ADAMTS3: variants seen among roughly 807,000 people sequenced by gnomAD.
ADAMTS3 encodes A disintegrin and metalloproteinase with thrombospondin motifs 3.
ADAMTS3 carries 73 observed loss-of-function variants against 129.0 expected under a neutral mutation model. That is an observed-to-expected ratio of 0.57 (90% confidence interval 0.47 to 0.69). The LOEUF is 0.69. Ranked by LOEUF, ADAMTS3 falls within the 30% of genes least tolerant of loss-of-function variation. The probability of loss-of-function intolerance (pLI) is 0.00; values close to 1 mark genes in which losing one functional copy is unlikely to be tolerated. For synonymous variants in ADAMTS3, 477 were observed against 510.8 expected (o/e 0.93, Z 0.89); for missense variants, 1,457 against 1,514.5 (o/e 0.96, Z 0.63).
chr4:72,438,133 G>A (rs372421627), intron 3 of ADAMTS3, among the ~76,000 whole-genome samples: 17 of 151,752 alleles, frequency 1.1e-4, no homozygotes, highest in African/African-American at 3.4e-4. Flanking sequence ...AAAGCAACCC[G>A]ACTATATCCA....
intron 3 of ADAMTS3, among the ~76,000 whole-genome samples, chr4:72,453,133 T>C (rs1718453130): frequency 6.6e-6 from 1 of 151,816 alleles, no homozygotes. Flanking sequence ...TGCTTTATTA[T>C]ATTATATATT....
chr4:72,526,038 A>G (rs1720797833), intron 3 of ADAMTS3, among the ~76,000 whole-genome samples: 1 of 152,196 alleles, frequency 6.6e-6, no homozygotes, highest in East Asian at 1.9e-4. Context: ...CTAGCCCTTC[A>G]AGGGCTTTAC....
chr4:72,436,049 C>T (rs1449563033), intron 3 of ADAMTS3, among the ~76,000 whole-genome samples: 1 of 151,960 alleles, frequency 6.6e-6, no homozygotes, highest in Non-Finnish European at 1.5e-5. Flanking sequence ...AAGAAACTAC[C>T]ATCAGAGTGA....
intron 13 of ADAMTS3, among the ~76,000 whole-genome samples, chr4:72,311,939 A>ATT (rs1422639477): frequency 2.0e-5 from 3 of 152,066 alleles, no homozygotes; most frequent in African/African-American, 7.2e-5. Context: ...AAAGAACTAT[A>ATT]TTTTTCTCTA....
chr4:72,322,994 C>T lies in ADAMTS3; in HGVS notation c.945+20G>A, dbSNP rs759770351. 6.3e-7 allele frequency: 1 copy of T among 1,589,338 alleles called. No individual in the cohort carries two copies. The highest frequency in any genetic ancestry group is 1.7e-5 in the Admixed American group (1 of 59,890). The stretch of plus-strand genomic sequence containing the variant: ...AACCCAGTCCCTAATGTTTATAATT[C>T]ATGTTTTAAGACATTTTACCTTTGC... On this transcript the variant is annotated intron_variant, in intron 6 of 21. Coordinates refer to ENST00000286657, the MANE Select transcript of ADAMTS3 (RefSeq NM_014243.3).
At chr4:72,318,814 C>T (rs965987001) in intron 9 of ADAMTS3, 110 bp from the exon 10 acceptor site, 2 of 1,161,310 alleles carry the variant, frequency 1.7e-6, no homozygotes, top group Non-Finnish European at 2.4e-6. Context: ...CATCCCAGAT[C>T]ATACAGCAAA....
intron 3 of ADAMTS3, among the ~76,000 whole-genome samples, chr4:72,450,328 C>A (rs1157862194): frequency 6.6e-6 from 1 of 151,658 alleles, no homozygotes; most frequent in Non-Finnish European, 1.5e-5. Context: ...GCTCCAGGAG[C>A]CACATGGCCA....
intron 3 of ADAMTS3, among the ~76,000 whole-genome samples, chr4:72,489,660 A>T (rs1173552149): frequency 1.3e-5 from 2 of 151,970 alleles, no homozygotes; most frequent in African/African-American, 4.8e-5. Context: ...ACTTCATTTC[A>T]TCACATAGGC....
At chr4:72,514,983 C>T (rs1234924903) in intron 3 of ADAMTS3, among the ~76,000 whole-genome samples, 1 of 152,074 alleles carries the variant, frequency 6.6e-6, no homozygotes, top group Non-Finnish European at 1.5e-5. Flanking sequence ...TATCCCTCCC[C>T]GCTACCCCCA....
Position 72,390,987 on chromosome 4 carries a change from A to C in ADAMTS3, c.661+23828T>G, listed in dbSNP as rs149473452. ...GATTATGAGCTTACTATGAGCTAAC[A>C]ACCCTAGATAATTGTACTGATGGAT... is the stretch of plus-strand genomic sequence containing the variant. On this transcript the variant is annotated intron_variant, in intron 4 of 21. Coordinates refer to ENST00000286657, the MANE Select transcript of ADAMTS3 (RefSeq NM_014243.3). Among the ~76,000 whole-genome samples the C allele has an allele frequency of 1.2e-3, 176 of 152,146 alleles. 1 individual carries two copies. Among genetic ancestry groups the C allele is most frequent in the African/African-American group, 4.0e-3 (164 of 41,518 alleles).
At chr4:72,296,200 T>G (rs1718803688) in intron 18 of ADAMTS3, among the ~76,000 whole-genome samples, 1 of 152,024 alleles carries the variant, frequency 6.6e-6, no homozygotes, top group East Asian at 1.9e-4. Context: ...AGAGGATCAG[T>G]ACTTTTCTTC....
At chr4:72,480,221 T>G (rs1027493142) in intron 3 of ADAMTS3, among the ~76,000 whole-genome samples, 51 of 152,254 alleles carry the variant, frequency 3.3e-4, no homozygotes, top group Admixed American at 2.0e-3. Flanking sequence ...CTATAAATCA[T>G]GCTGCTATAA....
chr4:72,343,100 G>A (rs138222377), intron 4 of ADAMTS3, among the ~76,000 whole-genome samples: 1 of 152,174 alleles, frequency 6.6e-6, no homozygotes, highest in African/African-American at 2.4e-5. Context: ...TTTACATAAG[G>A]GCCCACAGAT....
At chr4:72,422,483 C>T (rs1227010764) in intron 3 of ADAMTS3, among the ~76,000 whole-genome samples, 1 of 151,916 alleles carries the variant, frequency 6.6e-6, no homozygotes, top group Non-Finnish European at 1.5e-5. Context: ...TTATGTTAAA[C>T]ATATTTTATT....
intron 3 of ADAMTS3, among the ~76,000 whole-genome samples, chr4:72,422,662 C>T (rs1383912960): frequency 6.6e-6 from 1 of 152,012 alleles, no homozygotes; most frequent in Non-Finnish European, 1.5e-5. Flanking sequence ...AGTCAGATAG[C>T]CTCAGATGAT....
chr4:72,363,290 A>G (rs1720775334), intron 4 of ADAMTS3, among the ~76,000 whole-genome samples: 1 of 152,134 alleles, frequency 6.6e-6, no homozygotes, highest in Non-Finnish European at 1.5e-5. Context: ...TCAAGAAATA[A>G]GAAGTATGAA....
At chr4:72,338,054 T>C (rs1453379860) in intron 5 of ADAMTS3, among the ~76,000 whole-genome samples, 3 of 152,112 alleles carry the variant, frequency 2.0e-5, no homozygotes, top group South Asian at 2.1e-4. Context: ...AAATTTGGCA[T>C]AGAGAAACTA....
rs1464989234 is a variant in ADAMTS3, at chr4:72,515,589, A to G, written c.504+32889T>C. 6.9e-3 allele frequency among the ~76,000 whole-genome samples: 1,032 copies of G among 149,956 alleles called. 20 individuals carry two copies. Among genetic ancestry groups the G allele is most frequent in the African/African-American group, 0.024 (975 of 41,010 alleles). On this transcript the variant is annotated intron_variant, in intron 3 of 21. Transcript: ENST00000286657. ...ATTTGCATTTCTCTGATGGCCAGTG[A>G]TGATGAGCATTTTTTCATGTGTCTT... is the stretch of plus-strand genomic sequence containing the variant.
intron 3 of ADAMTS3, among the ~76,000 whole-genome samples, chr4:72,450,676 C>T (rs1718372539): frequency 6.6e-6 from 1 of 151,632 alleles, no homozygotes; most frequent in Admixed American, 6.6e-5. Context: ...TGGCAAATGT[C>T]CTACTACTGC....
Sources: allele counts gnomAD v4.1 joint callset (sites outside exome capture counted in the v4.1 genomes callset), GRCh38; gene constraint gnomAD v4.1.1; transcripts MANE v1.5; gene names NCBI Gene and HGNC (gene_info 2026-07-23, HGNC 2026-07-21).